NSD2: variants seen among roughly 807,000 people sequenced by gnomAD.
NSD2 encodes nuclear receptor binding SET domain protein 2.
In NSD2, 12 loss-of-function variants were observed where a neutral mutation model predicts 139.0. The ratio of observed to expected loss-of-function variants is 0.09; its 90% CI spans 0.06 to 0.14. The LOEUF (loss-of-function observed/expected upper bound fraction) is 0.14. Among genes scored for constraint, NSD2 ranks in the 10% least tolerant of loss-of-function variants. NSD2 has a pLI of 1.00. For missense variants in NSD2, 1,155 were observed against 1,745.0 expected (o/e 0.66, Z 6.02); for synonymous variants, 669 against 648.7 (o/e 1.03, Z -0.48).
intron 1 of NSD2, among the ~76,000 whole-genome samples, chr4:1,881,778 G>T (rs1411635551): frequency 1.3e-5 from 2 of 152,166 alleles, no homozygotes; most frequent in Non-Finnish European, 2.9e-5. Flanking sequence ...AAAGATCTAG[G>T]TGCATATAAT....
intron 1 of NSD2, among the ~76,000 whole-genome samples, chr4:1,890,100 G>A (rs1366036115): frequency 6.6e-6 from 1 of 152,116 alleles, no homozygotes; most frequent in Non-Finnish European, 1.5e-5. Flanking sequence ...TTTGTATCTA[G>A]CTTCTTTCAC....
chr4:1,963,301 A>G (rs1725553433), intron 18 of NSD2, among the ~76,000 whole-genome samples: 1 of 152,188 alleles, frequency 6.6e-6, no homozygotes, highest in Non-Finnish European at 1.5e-5. Context: ...TGTGGGGACC[A>G]GTGATAAGTC....
At chr4:1,940,022 T>G (rs1722926132) in intron 9 of NSD2, 1 of 1,362,994 alleles carries the variant, frequency 7.3e-7, no homozygotes, top group South Asian at 1.7e-5. Flanking sequence ...ACAGATATAC[T>G]TCAGTCTTGA....
At chr4:1,921,071 T>G (rs1432617794) in intron 5 of NSD2, among the ~76,000 whole-genome samples, 1 of 152,178 alleles carries the variant, frequency 6.6e-6, no homozygotes, top group African/African-American at 2.4e-5. Context: ...GATAAAAGGT[T>G]AGTAAACCAG....
chr4:1,967,846 G>A (rs995111118), intron 18 of NSD2, among the ~76,000 whole-genome samples: 1 of 152,178 alleles, frequency 6.6e-6, no homozygotes, highest in Non-Finnish European at 1.5e-5. Flanking sequence ...TGGATGAGGG[G>A]TCTGGCATCT....
rs1727472938 is a variant in NSD2 at position 1,979,070 on chromosome 4, A to G, written c.*161A>G. On this transcript the variant is annotated 3_prime_UTR_variant, in exon 22 of 22. Transcript: ENST00000508803. ...GGGAGCGCCTCCCCACCACTGAGCC[A>G]TCCTCAGCAGCGTCCGCTGCGTCTG... is the stretch of plus-strand genomic sequence containing the variant. 1.1e-6 allele frequency: 1 copy of G among 899,214 alleles called. No individual in the cohort carries two copies. Among genetic ancestry groups the G allele is most frequent in the Non-Finnish European group, 1.6e-6 (1 of 633,186 alleles). The allele number at this position is 899,214 out of a possible 1,614,324, so 55.7% of individuals were successfully genotyped here.
chr4:1,961,243 G>A lies in NSD2; in HGVS notation c.3372+92G>A, dbSNP rs562625629. The stretch of plus-strand genomic sequence containing the variant: ...GAACTGGACTTTGCCCTGTGGCAGC[G>A]CCAGCATTTGTCTCCTTAGCTGCTT... On this transcript the variant is annotated intron_variant, in intron 18 of 21. Transcript: ENST00000508803. The A allele has an allele frequency of 3.6e-5, 36 of 990,830 alleles. No homozygotes were observed. In the African/African-American group the frequency reaches 4.8e-4, roughly 13 times the overall value. 61.4% of individuals were successfully genotyped at this position (990,830 alleles called of 1,614,324 possible).
intron 1 of NSD2, among the ~76,000 whole-genome samples, chr4:1,890,280 G>GT (rs1251667767): frequency 1.3e-5 from 2 of 151,686 alleles, no homozygotes; most frequent in East Asian, 1.9e-4. Context: ...TCTTGTACAA[G>GT]TTTTTTTTGT....
intron 5 of NSD2, among the ~76,000 whole-genome samples, chr4:1,925,802 GTT>G (rs1193747370): frequency 6.8e-6 from 1 of 147,494 alleles, no homozygotes; most frequent in African/African-American, 2.6e-5. Flanking sequence ...TTGTTTGTTT[GTT>G]TTTGTTTTTG....
intron 1 of NSD2, among the ~76,000 whole-genome samples, chr4:1,894,467 G>A (rs1197666797): frequency 6.6e-6 from 1 of 152,076 alleles, no homozygotes; most frequent in Admixed American, 6.6e-5. Context: ...GAGTCCAGGA[G>A]TTTGAGACCA....
At chr4:1,886,280 C>A (rs1039455725) in intron 1 of NSD2, among the ~76,000 whole-genome samples, 4 of 152,110 alleles carry the variant, frequency 2.6e-5, no homozygotes, top group Non-Finnish European at 4.4e-5. Context: ...GATCTCAGTT[C>A]ACTGCAACCT....
At position 1,956,158 on chromosome 4, in the gene NSD2, G is replaced by T. The variant is rs1724781986; in HGVS notation, c.2851G>T (p.Val951Phe). ...EGDRGSRYQG[V>F]RGIGRVFKNA... is the part of the protein sequence containing the mutation. ...GGACCGGGGCAGCCGCTACCAGGGG[G>T]TCAGAGGGATCGGAAGAGTCTTCAA... is the stretch of plus-strand genomic sequence containing the variant. Residue 951 changes from valine to phenylalanine, a missense_variant, in exon 15 of 22, where the codon GTC (valine) becomes TTC (phenylalanine). Val to Phe is a conservative substitution (Grantham distance 50). Transcript: ENST00000508803. The surrounding 1 kb of genome is among the most constrained non-coding windows in gnomAD (Gnocchi z 5.3). The T allele has an allele frequency of 1.2e-6, 2 of 1,613,350 alleles. No homozygotes were observed. The highest frequency in any genetic ancestry group is 1.7e-6 in the Non-Finnish European group (2 of 1,179,590).
intron 18 of NSD2, among the ~76,000 whole-genome samples, chr4:1,971,098 C>T (rs1726423078): frequency 6.6e-6 from 1 of 152,186 alleles, no homozygotes; most frequent in Non-Finnish European, 1.5e-5. Context: ...GTGGCTCATG[C>T]CAGTAATCCC....
rs1283032836 is a variant in NSD2 at position 1,981,316 on chromosome 4, G to A, written c.*2407G>A. On this transcript the variant is annotated 3_prime_UTR_variant, in exon 22 of 22. Transcript: ENST00000508803. The stretch of plus-strand genomic sequence containing the variant: ...GGGGTAGCGGCCCTGAGCTTGCAGG[G>A]TTTCTCGCCACTGGGGCTGACCACG... 2 of 233,256 alleles carry A rather than the reference G, an allele frequency of 8.6e-6. No individual in the cohort carries two copies. Among genetic ancestry groups the A allele is most frequent in the East Asian group, 6.0e-5 (1 of 16,606 alleles). 14.4% of individuals were successfully genotyped at this position (233,256 alleles called of 1,614,324 possible).
At chr4:1,971,379 C>T (rs1267406678) in intron 18 of NSD2, among the ~76,000 whole-genome samples, 1 of 152,008 alleles carries the variant, frequency 6.6e-6, no homozygotes. Flanking sequence ...CCTATGGGAT[C>T]CAGGAGAAAG....
chr4:1,913,721 G>A lies in NSD2; in HGVS notation c.761-3150G>A, dbSNP rs1165505648. ...ACTCCTTACCCTGCCCCCTTGCCTT[G>A]TATACAATAAATAACAGCGCAGCCA... On this transcript the variant is annotated intron_variant, in intron 3 of 21. Transcript: ENST00000508803. 6.6e-5 allele frequency among the ~76,000 whole-genome samples: 10 copies of A among 151,980 alleles called. No individual in the cohort carries two copies. The East Asian group carries it at 1.2e-3, about 18-fold the overall frequency.
At chr4:1,893,311 T>TA (rs747648542) in intron 1 of NSD2, among the ~76,000 whole-genome samples, 17 of 151,950 alleles carry the variant, frequency 1.1e-4, no homozygotes, top group Non-Finnish European at 2.1e-4. Flanking sequence ...CTACTAAAAG[T>TA]ACAAAAAAAT....
At chr4:1,920,212 G>C (rs1031728013) in intron 5 of NSD2, among the ~76,000 whole-genome samples, 7 of 152,164 alleles carry the variant, frequency 4.6e-5, no homozygotes, top group African/African-American at 1.7e-4. Context: ...CACATTGGGA[G>C]GCTAAGGTGG....
chr4:1,974,556 C>T lies in NSD2; in HGVS notation c.3373-307C>T, dbSNP rs1361479561. On this transcript the variant is annotated intron_variant, in intron 18 of 21. Transcript: ENST00000508803. This position sits in a 1 kb window ranked among gnomAD's most constrained non-coding sequence, Gnocchi z 4.0. ...TGTCCTTGAGTGCCACTTGGCTAGG[C>T]TGTTGCTGCTGACCTTAGCTCCCTT... 8.2e-6 allele frequency: 4 copies of T among 484,866 alleles called. No individual in the cohort carries two copies. The highest frequency in any genetic ancestry group is 1.6e-5 in the Non-Finnish European group (4 of 254,596). 30.0% of individuals were successfully genotyped at this position (484,866 alleles called of 1,614,324 possible).
Sources: gnomAD v4.1 joint callset for allele counts (sites outside exome capture counted in the v4.1 genomes callset) on GRCh38, gnomAD v4.1.1 for gene constraint, Gnocchi (gnomAD v3.1) non-coding constraint, MANE v1.5 for transcripts, NCBI Gene and HGNC (gene_info 2026-07-23, HGNC 2026-07-21) for gene names.